The following PTPRZ1 variants were observed in gnomAD, a reference collection of about 807,000 sequenced individuals.
The protein encoded by PTPRZ1 is receptor-type tyrosine-protein phosphatase zeta.
In PTPRZ1, 82 loss-of-function variants were observed where a neutral mutation model predicts 214.1. That is an observed-to-expected ratio of 0.38 (90% confidence interval 0.32 to 0.46). The LOEUF (loss-of-function observed/expected upper bound fraction) is 0.46. PTPRZ1 is among the 20% of genes least tolerant of loss of function. PTPRZ1 has a pLI of 1.00. For synonymous variants in PTPRZ1, 945 were observed against 987.9 expected (o/e 0.96, Z 0.81); for missense variants, 2,603 against 2,748.7 (o/e 0.95, Z 1.19).
At chr7:121,885,877 T>G (rs1794379805) in intron 1 of PTPRZ1, among the ~76,000 whole-genome samples, 1 of 152,196 alleles carries the variant, frequency 6.6e-6, no homozygotes, top group Non-Finnish European at 1.5e-5. Context: ...GTATTAGACT[T>G]GATGGCATTC....
intron 1 of PTPRZ1, among the ~76,000 whole-genome samples, chr7:121,876,241 T>C (rs1340702165): frequency 6.6e-6 from 1 of 152,192 alleles, no homozygotes; most frequent in Non-Finnish European, 1.5e-5. Flanking sequence ...GTGTATCTTA[T>C]GGGAAAAACT....
At chr7:121,936,109 G>T (rs1223215018) in intron 2 of PTPRZ1, among the ~76,000 whole-genome samples, 2 of 152,116 alleles carry the variant, frequency 1.3e-5, no homozygotes, top group African/African-American at 4.8e-5. Context: ...CCTAGTGGAA[G>T]GCTTATTTAG....
chr7:122,055,444 A>G (rs138963742), intron 27 of PTPRZ1, among the ~76,000 whole-genome samples: 57 of 150,152 alleles, frequency 3.8e-4, no homozygotes, highest in African/African-American at 1.4e-3. Context: ...GTAAAATGGG[A>G]AAAATACTAC....
intron 1 of PTPRZ1, among the ~76,000 whole-genome samples, chr7:121,892,696 A>T (rs1384669334): frequency 2.4e-5 from 1 of 41,312 alleles, no homozygotes; most frequent in Non-Finnish European, 4.9e-5. Context: ...ATATATATAT[A>T]TATATATATA....
chr7:121,922,947 T>C (rs1044547353), intron 1 of PTPRZ1, among the ~76,000 whole-genome samples: 5 of 152,206 alleles, frequency 3.3e-5, no homozygotes, highest in Admixed American at 3.3e-4. Flanking sequence ...TTCAATGCCA[T>C]TCAGTCAACT....
intron 1 of PTPRZ1, among the ~76,000 whole-genome samples, chr7:121,916,261 G>A (rs1315723182): frequency 7.2e-6 from 1 of 139,446 alleles, no homozygotes; most frequent in African/African-American, 2.9e-5. Flanking sequence ...CGACAGAGTG[G>A]GACTCCATCT....
At position 122,019,311 on chromosome 7, in the gene PTPRZ1, C is replaced by G. The variant is rs368406654; in HGVS notation, c.4988+43C>G. 3.2e-6 allele frequency: 5 copies of G among 1,553,240 alleles called. No individual in the cohort carries two copies. The African/African-American group carries it at 6.9e-5, about 21-fold the overall frequency. The stretch of plus-strand genomic sequence containing the variant: ...TTTGGAAAATTTAATTCATAAAACT[C>G]AGATTTTGCCCATATTTCATCTGAA... On this transcript the variant is annotated intron_variant, in intron 13 of 29. Transcript: ENST00000393386.
chr7:121,951,504 A>G (rs1325647351), intron 2 of PTPRZ1, among the ~76,000 whole-genome samples: 1 of 152,224 alleles, frequency 6.6e-6, no homozygotes, highest in Non-Finnish European at 1.5e-5. Context: ...CATTCACTAA[A>G]CTATAGCGAA....
In PTPRZ1 at chr7:121,874,039, G is replaced by GACACACACACACACACACAC. The variant is rs10640393; in HGVS notation, c.58+489_58+508dup. Among the ~76,000 whole-genome samples, 52 of 147,932 alleles carry GACACACACACACACACACAC rather than the reference G, an allele frequency of 3.5e-4. 1 individual carries two copies. Among genetic ancestry groups the GACACACACACACACACACAC allele is most frequent in the African/African-American group, 1.2e-3 (48 of 39,942 alleles). ...GTACACGTGTCTGGTGTGAATTGCA[G>GACACACACACACACACACAC]ACACACACACACACACACACACACA... On this transcript the variant is annotated intron_variant, in intron 1 of 29. Coordinates refer to ENST00000393386, the MANE Select transcript of PTPRZ1 (RefSeq NM_002851.3).
rs778883937 is a variant in PTPRZ1, at chr7:122,012,294, C to T, written c.3248C>T (p.Ala1083Val). The change falls in exon 12 of 30, where the codon GCG becomes GTG. Residue 1083 changes from alanine to valine, a missense_variant. Ala to Val is a moderately conservative substitution (Grantham distance 64, BLOSUM62 0). Transcript: ENST00000393386. ...TATGATAATGTAAATAAGTTGAATG[C>T]GTCTTTACAAGAAACCTCTGTTTCC... ...NMYDNVNKLN[A>V]SLQETSVSIS... 1.2e-5 allele frequency: 20 copies of T among 1,614,136 alleles called. No homozygotes were observed. The highest frequency in any genetic ancestry group is 6.7e-5 in the East Asian group (3 of 44,886).
intron 10 of PTPRZ1, 70 bp downstream of exon 10, chr7:121,998,076 A>C (rs1798201375): frequency 2.0e-6 from 3 of 1,471,596 alleles, no homozygotes; most frequent in Non-Finnish European, 2.8e-6. Flanking sequence ...GTATGCATTG[A>C]TGCTTTCTCT....
At position 122,010,462 on chromosome 7, in the gene PTPRZ1, G is replaced by A. The variant is rs769094354; in HGVS notation, c.1416G>A (p.Thr472=). 67 of 1,613,986 alleles carry A rather than the reference G, an allele frequency of 4.2e-5. No homozygotes were observed. Among genetic ancestry groups the A allele is most frequent in the East Asian group, 8.9e-5 (4 of 44,880 alleles). Residue 472 remains threonine, a synonymous_variant, in exon 12 of 30, where the codon ACG becomes ACA. Transcript: ENST00000393386. ...CAACACACTACAATCGCATAGGGAC[G>A]AAATACAATGAAGCCAAGACTAACC... ...STTTHYNRIG[T]KYNEAKTNRS... is the part of the protein sequence containing the mutation.
At chr7:121,873,912 A>G (rs760984184) in intron 1 of PTPRZ1, among the ~76,000 whole-genome samples, 5 of 152,202 alleles carry the variant, frequency 3.3e-5, no homozygotes, top group Non-Finnish European at 7.3e-5. Flanking sequence ...ATACATAGGA[A>G]GATAAATGAC....
Position 122,039,499 on chromosome 7 carries a change from G to A in PTPRZ1, c.5548G>A (p.Gly1850Arg), listed in dbSNP as rs562739807. 39 of 1,613,976 alleles carry A rather than the reference G, an allele frequency of 2.4e-5. No homozygotes were observed. The highest frequency in any genetic ancestry group is 2.8e-5 in the Non-Finnish European group (33 of 1,179,942). Residue 1850 changes from glycine (G) to arginine (R), a missense_variant, in exon 20 of 30, where the codon GGG becomes AGG. Around this residue, in one of 6 missense-constraint regions of PTPRZ1, gnomAD observed 1,913 missense variants for 1,914.3 expected, o/e 1.00. Coordinates refer to ENST00000393386, the MANE Select transcript of PTPRZ1 (RefSeq NM_002851.3). The part of the protein sequence containing the change: ...YWPADGSEEY[G>R]NFLVTQKSVQ... ...GCCTGCCGATGGGAGTGAGGAGTAC[G>A]GGAACTTTCTGGTCACTCAGAAGAG...
chr7:121,928,012 T>G, intron 1 of PTPRZ1, 144 bp from the exon 2 acceptor site: 1 of 645,770 alleles, frequency 1.5e-6, no homozygotes. Context: ...ATAATGGTGG[T>G]GGTTGAGGTT....
At chr7:121,976,139 G>A in intron 4 of PTPRZ1, 34 bp from the exon 5 acceptor site, 1 of 1,400,884 alleles carries the variant, frequency 7.1e-7, no homozygotes, top group Non-Finnish European at 1.0e-6. Context: ...TGAAGTCTTT[G>A]TGTATCATAA....
At chr7:122,042,019 G>A (rs1799746736) in intron 21 of PTPRZ1, among the ~76,000 whole-genome samples, 1 of 152,192 alleles carries the variant, frequency 6.6e-6, no homozygotes, top group Non-Finnish European at 1.5e-5. Flanking sequence ...CCCTGTCCGT[G>A]AATTCTGTCC....
At chr7:121,969,071 C>G (rs1293070661) in intron 3 of PTPRZ1, among the ~76,000 whole-genome samples, 1 of 151,890 alleles carries the variant, frequency 6.6e-6, no homozygotes, top group East Asian at 1.9e-4. Context: ...AAACCCATCT[C>G]TACTAAAAAT....
intron 14 of PTPRZ1, among the ~76,000 whole-genome samples, chr7:122,031,191 G>T (rs1454042705): frequency 1.3e-5 from 2 of 152,030 alleles, no homozygotes; most frequent in Non-Finnish European, 2.9e-5. Context: ...CTGATAAGGA[G>T]TGGGGCTATG....
Sources: allele counts gnomAD v4.1 joint callset (sites outside exome capture counted in the v4.1 genomes callset), GRCh38; gene constraint gnomAD v4.1.1; regional missense constraint gnomAD v4.1.1; transcripts MANE v1.5; gene names NCBI Gene and HGNC (gene_info 2026-07-23, HGNC 2026-07-21).